Variants in GP2 observed in about 807,000 individuals in gnomAD.
The protein encoded by GP2 is glycoprotein 2.
A neutral mutation model predicts 60.8 loss-of-function variants in GP2; 58 were observed. The ratio of observed to expected loss-of-function variants is 0.95; its 90% CI spans 0.77 to 1.19. The LOEUF is 1.19. GP2 is among the 50% of genes most tolerant of loss of function. The probability of loss-of-function intolerance (pLI) is 0.00; values close to 1 mark genes in which losing one functional copy is unlikely to be tolerated. For synonymous variants in GP2, 280 were observed against 253.4 expected (o/e 1.10, Z -1.00); for missense variants, 647 against 667.4 (o/e 0.97, Z 0.34).
intron 7 of GP2, among the ~76,000 whole-genome samples, 190 bp from the exon 8 acceptor site, chr16:20,317,565 G>C (rs1400121096): frequency 1.3e-5 from 2 of 152,176 alleles, no homozygotes; most frequent in African/African-American, 4.8e-5. Flanking sequence ...AAACAGACTG[G>C]TTTTATACTG....
At chr16:20,311,356 C>G in intron 10 of GP2, 75 bp from the exon 11 acceptor site, 2 of 860,282 alleles carry the variant, frequency 2.3e-6, no homozygotes, top group Non-Finnish European at 4.0e-6. Flanking sequence ...GCCTCTTTGT[C>G]TTTCACAACA....
In GP2 at chr16:20,320,491, A is replaced by C. The variant is rs754031299; in HGVS notation, c.647-18T>G. ...GTGGACATCTGCAAAGCAGAGATGA[A>C]GGCAAGTAGAATGGACATGAGTCTG... On this transcript the variant is annotated intron_variant, in intron 4 of 10. Coordinates refer to ENST00000302555, the MANE Select transcript of GP2 (RefSeq NM_001502.4). 9 of 1,562,886 alleles carry C rather than the reference A, an allele frequency of 5.8e-6. No homozygotes were observed. In the East Asian group the frequency reaches 2.0e-4, roughly 35 times the overall value.
chr16:20,312,263 C>CAT (rs1333537181), intron 10 of GP2, among the ~76,000 whole-genome samples: 2 of 152,276 alleles, frequency 1.3e-5, no homozygotes, highest in East Asian at 3.9e-4. Context: ...GCCTTCCTGC[C>CAT]ATACTACCAA....
In GP2 at chr16:20,327,481, C is replaced by A; in HGVS notation, c.-51G>T. The A allele has an allele frequency of 7.8e-7, 1 of 1,288,848 alleles. No homozygotes were observed. Among genetic ancestry groups the A allele is most frequent in the Non-Finnish European group, 1.0e-6 (1 of 988,460 alleles). 79.8% of individuals were successfully genotyped at this position (1,288,848 alleles called of 1,614,324 possible). A position where few individuals can be genotyped will look rare whatever the true frequency, so the allele number is the denominator to read the frequency against. On this transcript the variant is annotated 5_prime_UTR_variant, in exon 1 of 11. Coordinates refer to ENST00000302555, the MANE Select transcript of GP2 (RefSeq NM_001502.4). ...GCAGGACTTACCTCCGATGAGAACA[C>A]AAAGCGTTCCTCCTCTGGCCAGCCA...
At position 20,311,258 on chromosome 16, in the gene GP2, C is replaced by T; in HGVS notation, c.1570G>A (p.Val524Ile). Residue 524 changes from valine (V) to isoleucine (I), a missense_variant, in exon 11 of 11, where the codon GTC becomes ATC. By Grantham distance (29) the Val-to-Ile change is conservative. Transcript: ENST00000302555. ...CAAGCCAGGAGGACAGTCAGGAGGACCATAGGCCAGGCCACCAGGAACCCT... is the reference window on the plus strand; with the variant it reads ...CAAGCCAGGAGGACAGTCAGGAGGATCATAGGCCAGGCCACCAGGAACCCT... ...TAGFLVAWPM[V>I]LLTVLLAWLF The T allele has an allele frequency of 6.2e-7, 1 of 1,609,316 alleles. No homozygotes were observed. Among genetic ancestry groups the T allele is most frequent in the Non-Finnish European group, 8.5e-7 (1 of 1,175,770 alleles).
rs766008692 is a variant in GP2 at position 20,323,992 on chromosome 16, C to T, written c.359G>A (p.Trp120Ter). ...AAGGGCAGGGTGGGTCCCATTCAGCCACATGGGAGCGTCTGTCTGGCATCG... is the reference window on the plus strand; with the variant it reads ...AAGGGCAGGGTGGGTCCCATTCAGCTACATGGGAGCGTCTGTCTGGCATCG... ...VHRCQTDAPMWLNGTHPALGD... is the reference protein window; with the variant it reads ...VHRCQTDAPM The change falls in exon 3 of 11, where the codon TGG (tryptophan) becomes TAG (stop). Residue 120 changes from tryptophan to a stop codon, truncating the protein, a stop_gained. Coordinates refer to ENST00000302555, the MANE Select transcript of GP2 (RefSeq NM_001502.4). LOFTEE classifies it high-confidence loss of function. The T allele has an allele frequency of 6.2e-7, 1 of 1,614,140 alleles. No homozygotes were observed. The highest frequency in any genetic ancestry group is 1.1e-5 in the South Asian group (1 of 91,084).
chr16:20,325,832 G>T (rs1423760719), intron 2 of GP2, among the ~76,000 whole-genome samples: 1 of 152,156 alleles, frequency 6.6e-6, no homozygotes, highest in Non-Finnish European at 1.5e-5. Flanking sequence ...CACTGCATTT[G>T]TTATTCTTAG....
chr16:20,314,640 A>T lies in GP2; in HGVS notation c.1546+17T>A. Reference sequence around the variant, plus strand: ...GAGTTGGGAAAGCTGTGGGAAAGGCATGAGAAAATGATGTACCTGCAGTGC... The same window carrying T: ...GAGTTGGGAAAGCTGTGGGAAAGGCTTGAGAAAATGATGTACCTGCAGTGC... On this transcript the variant is annotated intron_variant, in intron 10 of 10. Transcript: ENST00000302555. The T allele has an allele frequency of 3.9e-6, 6 of 1,551,390 alleles. No individual in the cohort carries two copies. Among genetic ancestry groups the T allele is most frequent in the Non-Finnish European group, 5.3e-6 (6 of 1,122,564 alleles).
At chr16:20,317,420 G>A (rs755287060) in intron 7 of GP2, 45 bp from the exon 8 acceptor site, 3 of 1,507,358 alleles carry the variant, frequency 2.0e-6, no homozygotes, top group East Asian at 2.3e-5. Flanking sequence ...AAAAACAGCA[G>A]TGGAGAAAAT....
At chr16:20,323,482 T>A (rs1964429629) in intron 3 of GP2, 1 of 657,942 alleles carries the variant, frequency 1.5e-6, no homozygotes, top group African/African-American at 2.1e-5. Flanking sequence ...TTATTTTTGC[T>A]GTACCCCCCC....
Position 20,323,706 on chromosome 16 carries a change from C to T in GP2, c.535+110G>A, listed in dbSNP as rs139237599. 750 of 708,896 alleles carry T rather than the reference C, an allele frequency of 1.1e-3. 6 individuals are homozygous for T. In the African/African-American group the frequency reaches 0.012, roughly 11 times the overall value. 43.9% of individuals were successfully genotyped at this position (708,896 alleles called of 1,614,324 possible). A position where few individuals can be genotyped will look rare whatever the true frequency, so the allele number is the denominator to read the frequency against. The stretch of plus-strand genomic sequence containing the variant: ...TCACTGGGCAGGAGCTGAGTCGAGG[C>T]TGCTCTGCATCCTCTCCTGTCTCCT... On this transcript the variant is annotated intron_variant, in intron 3 of 10. Transcript: ENST00000302555.
Position 20,323,975 on chromosome 16 carries a change from G to C in GP2, c.376C>G (p.Pro126Ala). The change falls in exon 3 of 11, where the codon CCT (proline) becomes GCT (alanine). Residue 126 changes from proline to alanine, a missense_variant. By Grantham distance (27) the Pro-to-Ala change is conservative. Coordinates refer to ENST00000302555, the MANE Select transcript of GP2 (RefSeq NM_001502.4). ...TTGGTGATGCCATCCCCAAGGGCAGGGTGGGTCCCATTCAGCCACATGGGA... is the reference window on the plus strand; with the variant it reads ...TTGGTGATGCCATCCCCAAGGGCAGCGTGGGTCCCATTCAGCCACATGGGA... ...DAPMWLNGTH[P>A]ALGDGITNHT... 1 of 1,614,206 alleles carries C rather than the reference G, an allele frequency of 6.2e-7. No individual in the cohort carries two copies. Among genetic ancestry groups the C allele is most frequent in the Non-Finnish European group, 8.5e-7 (1 of 1,180,030 alleles).
Position 20,310,073 on chromosome 16 carries a change from T to C in GP2, c.*1150A>G, listed in dbSNP as rs184978734. 1 of 152,396 alleles carries C rather than the reference T, an allele frequency of 6.6e-6. No homozygotes were observed. The highest frequency in any genetic ancestry group is 1.9e-4 in the East Asian group (1 of 5,186). The allele number at this position is 152,396 out of a possible 1,614,324, so 9.4% of individuals were successfully genotyped here. On this transcript the variant is annotated 3_prime_UTR_variant, in exon 11 of 11. Coordinates refer to ENST00000302555, the MANE Select transcript of GP2 (RefSeq NM_001502.4). Reference sequence around the variant, plus strand: ...GTGAGTATTAATGCCTGTGTATGTGTGATGCCCTATTTGCTGCATCTGTGT... The same window carrying C: ...GTGAGTATTAATGCCTGTGTATGTGCGATGCCCTATTTGCTGCATCTGTGT...
In GP2 at chr16:20,323,843, G is replaced by A. The variant is rs531180892; in HGVS notation, c.508C>T (p.Pro170Ser). ...GTGCAGTATCTCAGATTACACCAGG[G>A]AGTGCCTTCCAACCGGTACACATGG... The part of the protein sequence containing the change: ...GYHVYRLEGT[P>S]WCNLRYCTDP... The change falls in exon 3 of 11, where the codon CCC becomes TCC. Residue 170 changes from proline (P) to serine (S), a missense_variant. By Grantham distance (74) the Pro-to-Ser change is moderately conservative. Coordinates refer to ENST00000302555, the MANE Select transcript of GP2 (RefSeq NM_001502.4). The A allele has an allele frequency of 4.0e-5, 65 of 1,612,890 alleles. No individual in the cohort carries two copies. The South Asian group carries it at 5.9e-4, about 15-fold the overall frequency.
Position 20,315,968 on chromosome 16 carries a change from TG to T in GP2, c.1488del (p.Ile497SerfsTer12). ...IDLARVLDLG[P>X]ITRRGAQSPG... Reference sequence around the variant, plus strand: ...TTTGGCCACTTACCTCTCCGAGTGATGGGCCCCAAATCTAGAACCCGGGCTA... The same window carrying T: ...TTTGGCCACTTACCTCTCCGAGTGATGGCCCCAAATCTAGAACCCGGGCTA... On this transcript the variant is annotated frameshift_variant, in exon 9 of 11. Transcript: ENST00000302555. LOFTEE classifies it high-confidence loss of function. The T allele has an allele frequency of 6.2e-7, 1 of 1,610,516 alleles. No individual in the cohort carries two copies. Among genetic ancestry groups the T allele is most frequent in the Non-Finnish European group, 8.5e-7 (1 of 1,176,736 alleles).
intron 2 of GP2, 113 bp from the exon 3 acceptor site, chr16:20,324,369 C>T (rs1317800172): frequency 1.6e-6 from 1 of 636,082 alleles, no homozygotes; most frequent in Non-Finnish European, 2.8e-6. Context: ...GAGGACAATA[C>T]ACACACGGTC....
At position 20,311,297 on chromosome 16, in the gene GP2, T is replaced by C. The variant is rs780680118; in HGVS notation, c.1547-16A>G. 4 of 1,549,216 alleles carry C rather than the reference T, an allele frequency of 2.6e-6. No homozygotes were observed. The African/African-American group carries it at 5.4e-5, about 21-fold the overall frequency. On this transcript the variant is annotated splice_polypyrimidine_tract_variant and intron_variant, in intron 10 of 10. Coordinates refer to ENST00000302555, the MANE Select transcript of GP2 (RefSeq NM_001502.4). ...ACCAGGAACCCTGAAATACAAGAAA[T>C]ATGACTGTCAAGTGTTGGGCTTTGG... is the stretch of plus-strand genomic sequence containing the variant.
chr16:20,327,216 G>C (rs1331105269), intron 1 of GP2: 3 of 324,248 alleles, frequency 9.3e-6, no homozygotes, highest in African/African-American at 2.2e-5. Context: ...TCCCAATAGA[G>C]ACCTAGTTCC....
At chr16:20,320,170 T>A in intron 5 of GP2, 92 bp downstream of exon 5, 1 of 932,188 alleles carries the variant, frequency 1.1e-6, no homozygotes, top group Non-Finnish European at 1.7e-6. Flanking sequence ...TCAGGGAAGC[T>A]AAGTGGCTTG....
Sources: allele counts gnomAD v4.1 joint callset (sites outside exome capture counted in the v4.1 genomes callset), GRCh38; gene constraint gnomAD v4.1.1; transcripts MANE v1.5; gene names NCBI Gene and HGNC (gene_info 2026-07-23, HGNC 2026-07-21).